The following LPGAT1 variants were observed in gnomAD, a reference collection of about 807,000 sequenced individuals.
LPGAT1 encodes the protein acyl-CoA:lysophosphatidylglycerol acyltransferase 1.
Under a neutral mutation model 47.5 loss-of-function variants are expected in LPGAT1, and 11 were observed. The observed-to-expected ratio is 0.23, with a 90% confidence interval of 0.15 to 0.38. LPGAT1 has a LOEUF of 0.38. Among genes scored for constraint, LPGAT1 ranks in the 10% least tolerant of loss-of-function variants. The pLI is 1.00. For missense variants in LPGAT1, 293 were observed against 439.0 expected, an observed-to-expected ratio of 0.67 and a Z score of 2.97; for synonymous variants, 138 against 144.2, an observed-to-expected ratio of 0.96 and a Z score of 0.31.
intron 7 of LPGAT1, 38 bp from the exon 8 acceptor site, chr1:211,750,088 T>TA: frequency 6.4e-7 from 1 of 1,570,684 alleles, no homozygotes; most frequent in Non-Finnish European, 8.7e-7. Flanking sequence ...TGTTTTACTG[T>TA]AATGGTAGGT....
chr1:211,789,042 T>C (rs886965607), intron 3 of LPGAT1, among the ~76,000 whole-genome samples: 4 of 152,232 alleles, frequency 2.6e-5, no homozygotes, highest in African/African-American at 9.6e-5. Context: ...TATTAAATCT[T>C]TTTTTAAAAA....
At chr1:211,787,532 C>T (rs1055456228) in intron 4 of LPGAT1, 100 bp downstream of exon 4, 23 of 527,096 alleles carry the variant, frequency 4.4e-5, no homozygotes, top group Middle Eastern at 4.2e-4. Flanking sequence ...TGGTTAGAAG[C>T]AGCCCTACCT....
Position 211,830,172 on chromosome 1 carries a change from G to A in LPGAT1, c.-28+401C>T. 1.0e-6 allele frequency: 1 copy of A among 982,916 alleles called. No homozygotes were observed. The highest frequency in any genetic ancestry group is 1.8e-5 in the African/African-American group (1 of 57,016). 60.9% of individuals were successfully genotyped at this position (982,916 alleles called of 1,614,324 possible). ...TCGTGGCGGCGGGCGCGGCCCGCGC[G>A]CCGGGCTCACCTCGGCGGGCGCGGA... On this transcript the variant is annotated intron_variant, in intron 1 of 7. Coordinates refer to ENST00000366997, the MANE Select transcript of LPGAT1 (RefSeq NM_014873.3). This position sits in a 1 kb window ranked among gnomAD's most constrained non-coding sequence, Gnocchi z 5.9.
intron 2 of LPGAT1, among the ~76,000 whole-genome samples, chr1:211,823,068 A>T (rs768514379): frequency 2.0e-4 from 30 of 152,240 alleles, no homozygotes; most frequent in Non-Finnish European, 3.1e-4. Flanking sequence ...GCAAAAGGGC[A>T]TATGGGTAGT....
chr1:211,822,006 C>T (rs906585371), intron 2 of LPGAT1, among the ~76,000 whole-genome samples: 1 of 152,144 alleles, frequency 6.6e-6, no homozygotes, highest in African/African-American at 2.4e-5. Context: ...ACTCACAAAG[C>T]AAAACCTAAC....
chr1:211,808,689 TACA>T (rs1261047415), intron 2 of LPGAT1, among the ~76,000 whole-genome samples: 1 of 152,092 alleles, frequency 6.6e-6, no homozygotes, highest in African/African-American at 2.4e-5. Flanking sequence ...AACATACATT[TACA>T]ACGTGACTCA....
chr1:211,785,711 A>T (rs12117551), intron 4 of LPGAT1, among the ~76,000 whole-genome samples: 17,871 of 151,222 alleles, frequency 0.12, 1,246 homozygotes, highest in Non-Finnish European at 0.15. Flanking sequence ...GGTTCAAGCG[A>T]TTCTCCTGCC....
chr1:211,783,123 A>C, intron 5 of LPGAT1, 106 bp downstream of exon 5: 2 of 1,087,452 alleles, frequency 1.8e-6, no homozygotes, highest in South Asian at 4.4e-5. Context: ...TCTCCCTATT[A>C]TTTTTAACAA....
chr1:211,755,751 T>C (rs1366773758), intron 6 of LPGAT1, among the ~76,000 whole-genome samples: 2 of 151,040 alleles, frequency 1.3e-5, no homozygotes, highest in Non-Finnish European at 2.9e-5. Context: ...CTTTCAAAAA[T>C]TTGAAAGGAT....
At chr1:211,760,447 C>T (rs866887304) in intron 6 of LPGAT1, among the ~76,000 whole-genome samples, 4 of 152,168 alleles carry the variant, frequency 2.6e-5, no homozygotes, top group African/African-American at 9.7e-5. Context: ...AATAGCAAAA[C>T]TCCGTCCCCC....
intron 4 of LPGAT1, among the ~76,000 whole-genome samples, chr1:211,785,365 G>T (rs972497699): frequency 6.6e-6 from 1 of 152,050 alleles, no homozygotes; most frequent in Non-Finnish European, 1.5e-5. Flanking sequence ...AGTCTCAAGA[G>T]AATTTTTCTT....
At chr1:211,809,077 C>T (rs191554357) in intron 2 of LPGAT1, among the ~76,000 whole-genome samples, 1 of 151,632 alleles carries the variant, frequency 6.6e-6, no homozygotes, top group South Asian at 2.1e-4. Flanking sequence ...TGGTGGCAGG[C>T]GCCTATAGTC....
At chr1:211,810,542 T>A (rs1229634955) in intron 2 of LPGAT1, among the ~76,000 whole-genome samples, 2 of 152,020 alleles carry the variant, frequency 1.3e-5, no homozygotes, top group Admixed American at 1.3e-4. Flanking sequence ...CATGCCAGCA[T>A]CTCACTTAGC....
chr1:211,815,773 CTT>C (rs938719098), intron 2 of LPGAT1, among the ~76,000 whole-genome samples: 1 of 101,836 alleles, frequency 9.8e-6, no homozygotes, highest in Non-Finnish European at 2.0e-5. Context: ...AAATGCTTTT[CTT>C]TTTTTTTTTT....
intron 5 of LPGAT1, among the ~76,000 whole-genome samples, chr1:211,779,333 T>G (rs1658539964): frequency 6.6e-6 from 1 of 152,150 alleles, no homozygotes; most frequent in South Asian, 2.1e-4. Context: ...TAATTTATAT[T>G]TAACACTCCT....
At chr1:211,785,010 A>G (rs538134047) in intron 4 of LPGAT1, among the ~76,000 whole-genome samples, 94 of 152,092 alleles carry the variant, frequency 6.2e-4, no homozygotes, top group East Asian at 2.7e-3. Flanking sequence ...TCACCGTGTT[A>G]GCCAGGATGG....
intron 6 of LPGAT1, among the ~76,000 whole-genome samples, chr1:211,753,345 T>G (rs115740513): frequency 0.012 from 1,757 of 152,354 alleles, 31 homozygotes; most frequent in African/African-American, 0.04. Flanking sequence ...GATATAGGAT[T>G]CAAGGTTAAA....
chr1:211,814,878 A>T (rs1660115063), intron 2 of LPGAT1, among the ~76,000 whole-genome samples: 1 of 152,208 alleles, frequency 6.6e-6, no homozygotes, highest in Admixed American at 6.5e-5. Context: ...TGCTAAATAC[A>T]ATAAAAGATA....
rs1334781964 is a variant in LPGAT1 at position 211,744,932 on chromosome 1, C to T, written c.*4967G>A. On this transcript the variant is annotated 3_prime_UTR_variant, in exon 8 of 8. Coordinates refer to ENST00000366997, the MANE Select transcript of LPGAT1 (RefSeq NM_014873.3). ...TGCAGATATTAATGCCCAAATAGCTCTGGTAAAACACACATGCCCCATCCC... is the reference window on the plus strand; with the variant it reads ...TGCAGATATTAATGCCCAAATAGCTTTGGTAAAACACACATGCCCCATCCC... 4 of 152,622 alleles carry T rather than the reference C, an allele frequency of 2.6e-5. No homozygotes were observed. The highest frequency in any genetic ancestry group is 4.4e-5 in the Non-Finnish European group (3 of 67,998). The allele number at this position is 152,622 out of a possible 1,614,324, so 9.5% of individuals were successfully genotyped here. A position where few individuals can be genotyped will look rare whatever the true frequency, so the allele number is the denominator to read the frequency against.
Sources: gnomAD v4.1 joint callset for allele counts (sites outside exome capture counted in the v4.1 genomes callset) on GRCh38, gnomAD v4.1.1 for gene constraint, Gnocchi (gnomAD v3.1) non-coding constraint, MANE v1.5 for transcripts, NCBI Gene and HGNC (gene_info 2026-07-23, HGNC 2026-07-21) for gene names.